The following PRPH2 variants were observed in gnomAD, a reference collection of about 807,000 sequenced individuals.
PRPH2 encodes peripherin 2.
A neutral mutation model predicts 31.3 loss-of-function variants in PRPH2; 17 were observed. That is an observed-to-expected ratio of 0.54 (90% CI 0.37 to 0.81). The LOEUF is 0.81. Ranked by LOEUF, PRPH2 falls within the 40% of genes least tolerant of loss-of-function variation. The pLI is 0.00. For missense variants in PRPH2, 430 were observed against 439.7 expected, an observed-to-expected ratio of 0.98 and a Z score of 0.20; for synonymous variants, 165 against 184.4, an observed-to-expected ratio of 0.89 and a Z score of 0.85.
intron 1 of PRPH2, among the ~76,000 whole-genome samples, chr6:42,711,563 G>GA (rs1761645023): frequency 1.0e-5 from 1 of 95,490 alleles, no homozygotes; most frequent in Admixed American, 1.0e-4. Context: ...CCGGTCTGAG[G>GA]GGGACACAGC....
chr6:42,710,882 T>A (rs771932291), intron 1 of PRPH2, among the ~76,000 whole-genome samples: 1 of 152,234 alleles, frequency 6.6e-6, no homozygotes, highest in Non-Finnish European at 1.5e-5. Flanking sequence ...GAGGGACACC[T>A]GTGAGACCTT....
chr6:42,703,735 G>C (rs548698024), intron 2 of PRPH2, among the ~76,000 whole-genome samples: 18 of 152,214 alleles, frequency 1.2e-4, no homozygotes, highest in African/African-American at 4.3e-4. Context: ...ACTAGGTAGA[G>C]GTGCTTGCAC....
At chr6:42,705,240 T>G (rs1008096260) in intron 1 of PRPH2, among the ~76,000 whole-genome samples, 1 of 152,208 alleles carries the variant, frequency 6.6e-6, no homozygotes, top group Non-Finnish European at 1.5e-5. Context: ...GCATATCTTC[T>G]GCACTTCTAT....
intron 1 of PRPH2, among the ~76,000 whole-genome samples, chr6:42,705,757 G>A (rs899638607): frequency 2.0e-5 from 3 of 149,708 alleles, no homozygotes; most frequent in Admixed American, 6.7e-5. Context: ...TCAAGAGATC[G>A]AGACCATCCT....
rs367790241 is a variant in PRPH2 at position 42,721,003 on chromosome 6, T to C, written c.581+751A>G. ...CCAAGAATACTTTAGAAATGCTTTATCACATTGCACTATCATGACTCGCTA... is the reference window on the plus strand; with the variant it reads ...CCAAGAATACTTTAGAAATGCTTTACCACATTGCACTATCATGACTCGCTA... On this transcript the variant is annotated intron_variant, in intron 1 of 2. Transcript: ENST00000230381. Among the ~76,000 whole-genome samples, 8 of 152,360 alleles carry C rather than the reference T, an allele frequency of 5.3e-5. No individual in the cohort carries two copies. The East Asian group carries it at 7.7e-4, about 15-fold the overall frequency.
chr6:42,708,705 G>A (rs897122660), intron 1 of PRPH2, among the ~76,000 whole-genome samples: 1 of 152,210 alleles, frequency 6.6e-6, no homozygotes, highest in African/African-American at 2.4e-5. Flanking sequence ...TGTCCCAGCT[G>A]AGCCATTGCC....
chr6:42,708,935 C>T (rs570533387), intron 1 of PRPH2, among the ~76,000 whole-genome samples: 54 of 152,284 alleles, frequency 3.5e-4, no homozygotes, highest in Middle Eastern at 3.4e-3. Context: ...TCCCTCCTTC[C>T]GCTTAGAGCC....
intron 1 of PRPH2, among the ~76,000 whole-genome samples, chr6:42,721,301 T>C (rs1016098091): frequency 4.6e-5 from 7 of 152,102 alleles, no homozygotes; most frequent in Non-Finnish European, 7.4e-5. Context: ...GGTTGAAAGG[T>C]TGGAAAACAA....
rs1274038229 is a variant in PRPH2 at position 42,722,355 on chromosome 6, G to T, written c.-21C>A. 1 of 1,612,208 alleles carries T rather than the reference G, an allele frequency of 6.2e-7. No homozygotes were observed. The highest frequency in any genetic ancestry group is 1.7e-5 in the Admixed American group (1 of 60,008). On this transcript the variant is annotated 5_prime_UTR_variant, in exon 1 of 3. Transcript: ENST00000230381. The surrounding 1 kb of genome is among the most constrained non-coding windows in gnomAD (Gnocchi z 4.4). ...GCCATGCTTGCCAAGTGTAGTCCGG[G>T]TTGCTTCCCACAGCACAGCTCCCAC...
intron 2 of PRPH2, among the ~76,000 whole-genome samples, chr6:42,702,794 T>C (rs372072346): frequency 6.6e-6 from 1 of 151,504 alleles, no homozygotes; most frequent in Non-Finnish European, 1.5e-5. Flanking sequence ...TGCTTGAACC[T>C]GGGAGGTGGA....
At chr6:42,709,334 T>TAAAACAAAAA (rs1800231416) in intron 1 of PRPH2, among the ~76,000 whole-genome samples, 1 of 77,048 alleles carries the variant, frequency 1.3e-5, no homozygotes, top group Non-Finnish European at 2.6e-5. Flanking sequence ...TGTCTCAAAT[T>TAAAACAAAAA]AAAAAAAAAA....
chr6:42,704,657 A>G (rs1423232346), intron 1 of PRPH2, 46 bp from the exon 2 acceptor site: 1 of 1,613,974 alleles, frequency 6.2e-7, no homozygotes, highest in Admixed American at 1.7e-5. Context: ...CGGGCTTCTC[A>G]ACAGGGGCCA....
intron 1 of PRPH2, chr6:42,711,732 ATTGT>A (rs1182895710): frequency 1.0e-6 from 1 of 982,094 alleles, no homozygotes; most frequent in Non-Finnish European, 1.2e-6. Flanking sequence ...ATGTCTACGA[ATTGT>A]TTAAGAAGAG....
At chr6:42,701,902 C>T (rs766666604) in intron 2 of PRPH2, among the ~76,000 whole-genome samples, 4 of 151,792 alleles carry the variant, frequency 2.6e-5, no homozygotes, top group Non-Finnish European at 1.5e-5. Context: ...AAGGAGTCAG[C>T]GACCAATAAA....
chr6:42,717,748 C>T (rs1472528676), intron 1 of PRPH2, among the ~76,000 whole-genome samples: 3 of 152,190 alleles, frequency 2.0e-5, no homozygotes, highest in Admixed American at 2.0e-4. Context: ...ATTCCTTCTA[C>T]CAACAGATAA....
chr6:42,719,254 C>T lies in PRPH2; in HGVS notation c.581+2500G>A, dbSNP rs988153175. ...CAAGATCTCGGCTCACTGCAACCCCCGCCTCCCTGCTTCTCTGGTTCAAGC... is the reference window on the plus strand; with the variant it reads ...CAAGATCTCGGCTCACTGCAACCCCTGCCTCCCTGCTTCTCTGGTTCAAGC... On this transcript the variant is annotated intron_variant, in intron 1 of 2. Coordinates refer to ENST00000230381, the MANE Select transcript of PRPH2 (RefSeq NM_000322.5). Among the ~76,000 whole-genome samples the T allele has an allele frequency of 9.9e-5, 15 of 151,890 alleles. No homozygotes were observed. The East Asian group carries it at 1.7e-3, about 18-fold the overall frequency.
intron 2 of PRPH2, among the ~76,000 whole-genome samples, chr6:42,701,617 T>C (rs1050887977): frequency 8.9e-5 from 13 of 146,882 alleles, no homozygotes; most frequent in African/African-American, 3.0e-4. Context: ...CATGAGATCC[T>C]CCCATCTTGG....
chr6:42,717,351 C>T (rs1267848438), intron 1 of PRPH2, among the ~76,000 whole-genome samples: 1 of 151,736 alleles, frequency 6.6e-6, no homozygotes, highest in African/African-American at 2.4e-5. Flanking sequence ...ACCAGGGGGG[C>T]GAGGATGCAG....
rs67449353 is a variant in PRPH2 at position 42,704,079 on chromosome 6, AAC to A, written c.828+284_828+285del. Among the ~76,000 whole-genome samples the A allele has an allele frequency of 0.26, 39,136 of 151,358 alleles. 5,440 individuals are homozygous for A. Among genetic ancestry groups the A allele is most frequent in the East Asian group, 0.48 (2,434 of 5,118 alleles). On this transcript the variant is annotated intron_variant, in intron 2 of 2. Transcript: ENST00000230381. The stretch of plus-strand genomic sequence containing the variant: ...CATGCCACTGCACTCCAGCCTGGGC[AAC>A]ACAGAGAGACTCAGCCTCAAAATAA...
Sources: allele counts gnomAD v4.1 joint callset (sites outside exome capture counted in the v4.1 genomes callset), GRCh38; gene constraint gnomAD v4.1.1; non-coding constraint Gnocchi (gnomAD v3.1); transcripts MANE v1.5; gene names NCBI Gene and HGNC (gene_info 2026-07-23, HGNC 2026-07-21).